STAT4: variants seen among roughly 807,000 people sequenced by gnomAD.
The protein encoded by STAT4 is signal transducer and activator of transcription 4.
In STAT4, 42 loss-of-function variants were observed where a neutral mutation model predicts 110.5. The ratio of observed to expected loss-of-function variants is 0.38; its 90% CI spans 0.30 to 0.49. STAT4 has a LOEUF of 0.49. Ranked by LOEUF, STAT4 falls within the 20% of genes least tolerant of loss-of-function variation. STAT4 has a pLI of 0.95. For missense variants in STAT4, 632 were observed against 887.9 expected (o/e 0.71, Z 3.66); for synonymous variants, 284 against 302.2 (o/e 0.94, Z 0.63).
intron 13 of STAT4, among the ~76,000 whole-genome samples, chr2:191,057,588 T>C (rs1163958132): frequency 2.7e-5 from 4 of 150,558 alleles, no homozygotes; most frequent in African/African-American, 7.3e-5. Context: ...TTTCTTTTTT[T>C]TTTTTTTCTT....
chr2:191,033,185 CTG>C lies in STAT4; in HGVS notation c.1853-38_1853-37del, dbSNP rs753634319. On this transcript the variant is annotated intron_variant, in intron 20 of 23. Coordinates refer to ENST00000392320, the MANE Select transcript of STAT4 (RefSeq NM_003151.4). This position sits in a 1 kb window ranked among gnomAD's most constrained non-coding sequence, Gnocchi z 6.9. ...AGAAATTGGAGAAATATACAGGTTC[CTG>C]TACACATTCCTTGTGACCATTTCTT... 6.3e-6 allele frequency: 10 copies of C among 1,593,664 alleles called. No homozygotes were observed. In the East Asian group the frequency reaches 2.2e-4, roughly 36 times the overall value.
chr2:191,062,994 T>C lies in STAT4; in HGVS notation c.783-74A>G, dbSNP rs963925852. ...AAAAAAGCATTGTAACAATGGGTCA[T>C]AGTTAATAAACATTAAATTATTAAG... On this transcript the variant is annotated intron_variant, in intron 8 of 23. Transcript: ENST00000392320. The surrounding 1 kb of genome is among the most constrained non-coding windows in gnomAD (Gnocchi z 4.9). 4.1e-6 allele frequency: 5 copies of C among 1,227,498 alleles called. No homozygotes were observed. Among genetic ancestry groups the C allele is most frequent in the African/African-American group, 3.1e-5 (2 of 65,226 alleles). 76.0% of individuals were successfully genotyped at this position (1,227,498 alleles called of 1,614,324 possible).
At chr2:191,128,720 G>A (rs1698951355) in intron 3 of STAT4, among the ~76,000 whole-genome samples, 2 of 152,230 alleles carry the variant, frequency 1.3e-5, no homozygotes, top group South Asian at 4.1e-4. Flanking sequence ...CACTCACTGA[G>A]TTTAAAACTC....
At position 191,031,320 on chromosome 2, in the gene STAT4, G is replaced by T; in HGVS notation, c.2111+130C>A. 1 of 1,021,646 alleles carries T rather than the reference G, an allele frequency of 9.8e-7. No homozygotes were observed. Among genetic ancestry groups the T allele is most frequent in the Non-Finnish European group, 1.4e-6 (1 of 703,386 alleles). The allele number at this position is 1,021,646 out of a possible 1,614,324, so 63.3% of individuals were successfully genotyped here. ...AGTGTGCCCTGAAGGCTAGCCTTATGTATTAAAGGAAATGGGACATTGCAC... is the reference window on the plus strand; with the variant it reads ...AGTGTGCCCTGAAGGCTAGCCTTATTTATTAAAGGAAATGGGACATTGCAC... On this transcript the variant is annotated intron_variant, in intron 22 of 23. Transcript: ENST00000392320. This position sits in a 1 kb window ranked among gnomAD's most constrained non-coding sequence, Gnocchi z 4.8.
At chr2:191,131,858 C>T (rs1381467888) in intron 3 of STAT4, 1 of 1,460,314 alleles carries the variant, frequency 6.8e-7, no homozygotes. Context: ...CAGGTTTCTC[C>T]ATGTCGATCC....
chr2:191,033,704 G>C lies in STAT4; in HGVS notation c.1716-78C>G. 6.4e-7 allele frequency: 1 copy of C among 1,553,056 alleles called. No individual in the cohort carries two copies. Among genetic ancestry groups the C allele is most frequent in the Non-Finnish European group, 8.7e-7 (1 of 1,150,740 alleles). On this transcript the variant is annotated intron_variant, in intron 19 of 23. Transcript: ENST00000392320. This position sits in a 1 kb window ranked among gnomAD's most constrained non-coding sequence, Gnocchi z 6.9. The stretch of plus-strand genomic sequence containing the variant: ...TTGCATTTACAAAGACCTACAGTTT[G>C]TTTTGAGTGTAATCAAAAGTCATTC...
At position 191,112,392 on chromosome 2, in the gene STAT4, T is replaced by C. The variant is rs1474443319; in HGVS notation, c.273+34221A>G. Among the ~76,000 whole-genome samples, 2 of 152,192 alleles carry C rather than the reference T, an allele frequency of 1.3e-5. No individual in the cohort carries two copies. Among genetic ancestry groups the C allele is most frequent in the Non-Finnish European group, 2.9e-5 (2 of 68,034 alleles). Reference sequence around the variant, plus strand: ...AATAACATTACATACCTGCCAGGACTGTTGTGAGGATATAATGAGGTAATG... The same window carrying C: ...AATAACATTACATACCTGCCAGGACCGTTGTGAGGATATAATGAGGTAATG... On this transcript the variant is annotated intron_variant, in intron 3 of 23. Transcript: ENST00000392320. This position sits in a 1 kb window ranked among gnomAD's most constrained non-coding sequence, Gnocchi z 4.3.
Position 191,121,699 on chromosome 2 carries a change from C to G in STAT4, c.273+24914G>C, listed in dbSNP as rs372952010. 2.5e-4 allele frequency among the ~76,000 whole-genome samples: 37 copies of G among 146,950 alleles called. No individual in the cohort carries two copies. In the East Asian group the frequency reaches 6.7e-3, roughly 27 times the overall value. On this transcript the variant is annotated intron_variant, in intron 3 of 23. Transcript: ENST00000392320. ...AAAAACCAAACACCGCATGTTCTCA[C>G]TCATAGGTGGGAATCGAAAAATGAG...
At chr2:191,047,105 T>A (rs1482117086) in intron 14 of STAT4, among the ~76,000 whole-genome samples, 1 of 152,142 alleles carries the variant, frequency 6.6e-6, no homozygotes, top group Admixed American at 6.5e-5. Context: ...CATAAAAACC[T>A]CAAAGAACAG....
Position 191,144,654 on chromosome 2 carries a change from G to C in STAT4, c.273+1959C>G, listed in dbSNP as rs546297081. Among the ~76,000 whole-genome samples, 1 of 149,568 alleles carries C rather than the reference G, an allele frequency of 6.7e-6. No individual in the cohort carries two copies. The highest frequency in any genetic ancestry group is 1.5e-5 in the Non-Finnish European group (1 of 67,788). ...TAGAAGTGATGGTTTAACAAGGTTC[G>C]TCTGATACAACTGGCCAGAGGAGAA... On this transcript the variant is annotated intron_variant, in intron 3 of 23. Transcript: ENST00000392320. The surrounding 1 kb of genome is among the most constrained non-coding windows in gnomAD (Gnocchi z 4.7).
At position 191,058,399 on chromosome 2, in the gene STAT4, G is replaced by C. The variant is rs563613391; in HGVS notation, c.1095-180C>G. Among the ~76,000 whole-genome samples, 1 of 152,264 alleles carries C rather than the reference G, an allele frequency of 6.6e-6. No homozygotes were observed. Among genetic ancestry groups the C allele is most frequent in the East Asian group, 1.9e-4 (1 of 5,176 alleles). On this transcript the variant is annotated intron_variant, in intron 11 of 23. Coordinates refer to ENST00000392320, the MANE Select transcript of STAT4 (RefSeq NM_003151.4). This position sits in a 1 kb window ranked among gnomAD's most constrained non-coding sequence, Gnocchi z 4.3. ...TACAACCTCTGCCCCCTGGGTTCAA[G>C]CGATTCTCCTGCCTCAGCCTCCTGA...
chr2:191,056,949 C>T lies in STAT4; in HGVS notation c.1206+1069G>A, dbSNP rs368046579. ...AGGCAGTTGCCACCATGCCGGGCTA[C>T]TATTTGTATTTTTAGTAGAGACGAG... On this transcript the variant is annotated intron_variant, in intron 13 of 23. Transcript: ENST00000392320. 9.9e-5 allele frequency among the ~76,000 whole-genome samples: 15 copies of T among 151,940 alleles called. 1 individual carries two copies. In the East Asian group the frequency reaches 1.4e-3, roughly 14 times the overall value.
intron 3 of STAT4, among the ~76,000 whole-genome samples, chr2:191,105,957 T>C (rs1300445336): frequency 6.6e-6 from 1 of 152,186 alleles, no homozygotes; most frequent in Non-Finnish European, 1.5e-5. Context: ...GGATCTGAGA[T>C]TGTGGGTGCC....
rs113109887 is a variant in STAT4 at position 191,029,678 on chromosome 2, A to G, written c.*162T>C. The G allele has an allele frequency of 1.2e-4, 83 of 664,778 alleles. 1 individual carries two copies. Among genetic ancestry groups the G allele is most frequent in the South Asian group, 7.5e-4 (40 of 53,384 alleles). 41.2% of individuals were successfully genotyped at this position (664,778 alleles called of 1,614,324 possible). A position where few individuals can be genotyped will look rare whatever the true frequency, so the allele number is the denominator to read the frequency against. ...AAGCATTTCAGTCACAACACTCCCA[A>G]TTGAGGAGTGCCACGGGAGTGTGAA... On this transcript the variant is annotated 3_prime_UTR_variant, in exon 24 of 24. Transcript: ENST00000392320. This position sits in a 1 kb window ranked among gnomAD's most constrained non-coding sequence, Gnocchi z 4.5.
chr2:191,139,720 C>T (rs1312273398), intron 3 of STAT4, among the ~76,000 whole-genome samples: 2 of 152,176 alleles, frequency 1.3e-5, no homozygotes, highest in African/African-American at 4.8e-5. Flanking sequence ...ATCAAAATAC[C>T]ATCATCATTC....
chr2:191,110,700 T>C lies in STAT4; in HGVS notation c.274-34375A>G, dbSNP rs1037040232. 3.9e-5 allele frequency among the ~76,000 whole-genome samples: 6 copies of C among 152,232 alleles called. No homozygotes were observed. Among genetic ancestry groups the C allele is most frequent in the Admixed American group, 6.5e-5 (1 of 15,282 alleles). On this transcript the variant is annotated intron_variant, in intron 3 of 23. Coordinates refer to ENST00000392320, the MANE Select transcript of STAT4 (RefSeq NM_003151.4). The surrounding 1 kb of genome is among the most constrained non-coding windows in gnomAD (Gnocchi z 4.5). ...CAAGGAGAAAATGCATGAATTTCAGTTGATACAACTGAAGTACCGTATCAC... is the reference window on the plus strand; with the variant it reads ...CAAGGAGAAAATGCATGAATTTCAGCTGATACAACTGAAGTACCGTATCAC...
chr2:191,031,774 A>G lies in STAT4; in HGVS notation c.2045-258T>C, dbSNP rs192210530. On this transcript the variant is annotated intron_variant, in intron 21 of 23. Coordinates refer to ENST00000392320, the MANE Select transcript of STAT4 (RefSeq NM_003151.4). This position sits in a 1 kb window ranked among gnomAD's most constrained non-coding sequence, Gnocchi z 4.8. ...TATTAATGCCTCTAAACTGTGTGGG[A>G]AAAATTGAGAATCAACTCTATTACC... 6.6e-6 allele frequency among the ~76,000 whole-genome samples: 1 copy of G among 152,336 alleles called. No individual in the cohort carries two copies. Among genetic ancestry groups the G allele is most frequent in the African/African-American group, 2.4e-5 (1 of 41,586 alleles).
intron 3 of STAT4, among the ~76,000 whole-genome samples, chr2:191,114,222 G>A (rs568365485): frequency 1.3e-5 from 2 of 152,260 alleles, no homozygotes; most frequent in African/African-American, 4.8e-5. Flanking sequence ...GTTGGCCAAG[G>A]CATAAAATTT....
intron 3 of STAT4, among the ~76,000 whole-genome samples, chr2:191,130,426 G>T (rs569915747): frequency 2.7e-5 from 4 of 149,380 alleles, no homozygotes; most frequent in Admixed American, 1.3e-4. Flanking sequence ...GTTTCACCAT[G>T]TAAGCCAGGA....
Sources: gnomAD v4.1 joint callset for allele counts (sites outside exome capture counted in the v4.1 genomes callset) on GRCh38, gnomAD v4.1.1 for gene constraint, Gnocchi (gnomAD v3.1) non-coding constraint, MANE v1.5 for transcripts, NCBI Gene and HGNC (gene_info 2026-07-23, HGNC 2026-07-21) for gene names.